The following GFRAL variants were observed in gnomAD, a reference collection of about 807,000 sequenced individuals.
GFRAL encodes the protein GDNF family receptor alpha-like.
Under a neutral mutation model 45.4 loss-of-function variants are expected in GFRAL, and 36 were observed. The ratio of observed to expected loss-of-function variants is 0.79; its 90% CI spans 0.61 to 1.05. The LOEUF is 1.05. GFRAL is among the 50% of genes least tolerant of loss of function. The pLI is 0.00. For missense variants in GFRAL, 507 were observed against 467.5 expected, an observed-to-expected ratio of 1.08 and a Z score of -0.78; for synonymous variants, 166 against 154.1, an observed-to-expected ratio of 1.08 and a Z score of -0.57.
In GFRAL at chr6:55,333,855, G is replaced by A; in HGVS notation, c.227G>A (p.Ser76Asn). ...CTGAGTATCCAGTACTTAGTGGAAA[G>A]CAATTTCCAATTTAAAGAGTGTCTT... ...CNLSIQYLVESNFQFKECLCT... is the reference protein window; with the variant it reads ...CNLSIQYLVENNFQFKECLCT... Residue 76 changes from serine to asparagine, a missense_variant, in exon 3 of 9, where the codon AGC becomes AAC. Physicochemically the swap from Ser to Asn is conservative, Grantham distance 46 (BLOSUM62 1). Coordinates refer to ENST00000340465, the MANE Select transcript of GFRAL (RefSeq NM_207410.2). 6.2e-7 allele frequency: 1 copy of A among 1,609,608 alleles called. No homozygotes were observed. The highest frequency in any genetic ancestry group is 8.5e-7 in the Non-Finnish European group (1 of 1,176,844).
At chr6:55,362,889 A>C (rs931853529) in intron 6 of GFRAL, among the ~76,000 whole-genome samples, 1 of 151,048 alleles carries the variant, frequency 6.6e-6, no homozygotes, top group Admixed American at 6.6e-5. Context: ...AAGGGGCAGG[A>C]AGGGAGAGGG....
chr6:55,393,755 A>G (rs1257092090), intron 6 of GFRAL, among the ~76,000 whole-genome samples: 5 of 152,172 alleles, frequency 3.3e-5, no homozygotes, highest in Non-Finnish European at 7.4e-5. Context: ...TAGAGTTTAG[A>G]TCATGTGGGA....
chr6:55,352,569 G>T (rs531667351), intron 5 of GFRAL, among the ~76,000 whole-genome samples: 215 of 152,156 alleles, frequency 1.4e-3, no homozygotes, highest in Non-Finnish European at 2.7e-3. Context: ...TGAGAGGACC[G>T]ATAGTGGAAG....
At chr6:55,352,480 C>T (rs769384550) in intron 5 of GFRAL, among the ~76,000 whole-genome samples, 1 of 151,904 alleles carries the variant, frequency 6.6e-6, no homozygotes, top group African/African-American at 2.4e-5. Flanking sequence ...TGCTTATGAG[C>T]GACAGCAAGA....
In GFRAL at chr6:55,346,627, C is replaced by T. The variant is rs139719360; in HGVS notation, c.317-3465C>T. Among the ~76,000 whole-genome samples the T allele has an allele frequency of 2.7e-3, 413 of 151,866 alleles. 4 individuals carry two copies. The highest frequency in any genetic ancestry group is 9.2e-3 in the African/African-American group (379 of 41,386). ...TAATGGATGCAGCACACCAACATGG[C>T]GCATGTATACATATGTAACCAACCT... On this transcript the variant is annotated intron_variant, in intron 3 of 8. Coordinates refer to ENST00000340465, the MANE Select transcript of GFRAL (RefSeq NM_207410.2).
At chr6:55,369,884 T>C (rs913282918) in intron 6 of GFRAL, among the ~76,000 whole-genome samples, 3 of 152,192 alleles carry the variant, frequency 2.0e-5, no homozygotes, top group African/African-American at 4.8e-5. Context: ...GACACTTTTG[T>C]TGCCTGTGTC....
Position 55,351,391 on chromosome 6 carries a change from C to T in GFRAL, c.509C>T (p.Ala170Val), listed in dbSNP as rs1250531090. 6.2e-7 allele frequency: 1 copy of T among 1,613,624 alleles called. No homozygotes were observed. Among genetic ancestry groups the T allele is most frequent in the Non-Finnish European group, 8.5e-7 (1 of 1,179,726 alleles). Residue 170 changes from alanine (A) to valine (V), a missense_variant, in exon 5 of 9, where the codon GCC becomes GTC. Transcript: ENST00000340465. The stretch of plus-strand genomic sequence containing the variant: ...TGTGATCTGAAACAGTGCCAAGCAG[C>T]CATACGGTTCTTCTATCAAAATATA... ...NPCDLKQCQA[A>V]IRFFYQNIPF...
At chr6:55,359,681 C>T (rs1043440027) in intron 6 of GFRAL, among the ~76,000 whole-genome samples, 3 of 151,862 alleles carry the variant, frequency 2.0e-5, no homozygotes, top group Non-Finnish European at 2.9e-5. Context: ...TGGTGTGGTT[C>T]ACTTCAATAT....
At chr6:55,401,745 T>A (rs1302462397) in intron 8 of GFRAL, 45 bp from the exon 9 acceptor site, 1 of 1,111,820 alleles carries the variant, frequency 9.0e-7, no homozygotes, top group Admixed American at 1.7e-5. Flanking sequence ...ATTTGTGAAA[T>A]CCTTAAAATG....
At chr6:55,367,867 C>G (rs1233001304) in intron 6 of GFRAL, among the ~76,000 whole-genome samples, 1 of 151,664 alleles carries the variant, frequency 6.6e-6, no homozygotes, top group Non-Finnish European at 1.5e-5. Context: ...CTCTGGCTGC[C>G]CTTAACATTT....
At chr6:55,351,879 C>T (rs936160067) in intron 5 of GFRAL, among the ~76,000 whole-genome samples, 2 of 151,902 alleles carry the variant, frequency 1.3e-5, no homozygotes, top group Admixed American at 6.6e-5. Flanking sequence ...GGTTAATAGA[C>T]CTGACTTACA....
intron 6 of GFRAL, 38 bp downstream of exon 6, chr6:55,359,176 A>C (rs374634382): frequency 6.5e-7 from 1 of 1,542,864 alleles, no homozygotes; most frequent in Admixed American, 1.7e-5. Context: ...CTATCTATCT[A>C]TCTATCTATC....
At chr6:55,372,964 A>T (rs2127361123) in intron 6 of GFRAL, among the ~76,000 whole-genome samples, 2 of 152,150 alleles carry the variant, frequency 1.3e-5, no homozygotes, top group Middle Eastern at 6.8e-3. Context: ...GTGCAAGCTA[A>T]ATGTTGTGGC....
chr6:55,370,880 T>C (rs1174438260), intron 6 of GFRAL, among the ~76,000 whole-genome samples: 1 of 152,144 alleles, frequency 6.6e-6, no homozygotes, highest in Non-Finnish European at 1.5e-5. Flanking sequence ...ACACAAGAGG[T>C]GGCTTGGAGC....
intron 6 of GFRAL, among the ~76,000 whole-genome samples, chr6:55,373,311 G>C (rs1382356869): frequency 1.3e-5 from 2 of 152,042 alleles, no homozygotes; most frequent in African/African-American, 4.8e-5. Flanking sequence ...TCTGAAATAG[G>C]TTTGGCGGAG....
At chr6:55,353,175 C>T (rs943433240) in intron 5 of GFRAL, among the ~76,000 whole-genome samples, 1 of 152,016 alleles carries the variant, frequency 6.6e-6, no homozygotes, top group African/African-American at 2.4e-5. Flanking sequence ...TTGAAGGACA[C>T]TGCCTAGGGC....
chr6:55,397,055 T>A (rs1768834945), intron 6 of GFRAL, among the ~76,000 whole-genome samples: 1 of 152,130 alleles, frequency 6.6e-6, no homozygotes, highest in East Asian at 1.9e-4. Flanking sequence ...ATCTTTAAAC[T>A]TTTTAGAGAT....
chr6:55,367,488 T>C (rs9475267), intron 6 of GFRAL, among the ~76,000 whole-genome samples: 8,111 of 146,732 alleles, frequency 0.055, 903 homozygotes, highest in East Asian at 0.36. Flanking sequence ...GTCATTATGA[T>C]GTTAGCTGGT....
chr6:55,341,331 G>C (rs914451720), intron 3 of GFRAL, among the ~76,000 whole-genome samples: 1 of 152,186 alleles, frequency 6.6e-6, no homozygotes, highest in Admixed American at 6.5e-5. Flanking sequence ...GAAGCTTCCA[G>C]AGGAACGATC....
Sources: gnomAD v4.1 joint callset for allele counts (sites outside exome capture counted in the v4.1 genomes callset) on GRCh38, gnomAD v4.1.1 for gene constraint, MANE v1.5 for transcripts, NCBI Gene and HGNC (gene_info 2026-07-23, HGNC 2026-07-21) for gene names.